TDRD6: variants seen among roughly 807,000 people sequenced by gnomAD.
TDRD6 encodes the protein tudor domain-containing protein 6.
In TDRD6, 186 loss-of-function variants were observed where a neutral mutation model predicts 157.5. That is an observed-to-expected ratio of 1.18 (90% CI 1.05 to 1.33). The LOEUF (loss-of-function observed/expected upper bound fraction) is 1.33, where lower values mean the gene tolerates loss of function less well. Ranked by LOEUF, TDRD6 falls within the 40% of genes most tolerant of loss-of-function variation. The pLI is 0.00. For synonymous variants in TDRD6, 1,075 were observed against 945.2 expected, an observed-to-expected ratio of 1.14 and a Z score of -2.52; for missense variants, 3,066 against 2,508.0, an observed-to-expected ratio of 1.22 and a Z score of -4.75.
rs142562643 is a variant in TDRD6, at chr6:46,690,164, T to C, written c.2036T>C (p.Val679Ala). ...QEFETKENILVNAHSPGHVSN... is the reference protein window; with the variant it reads ...QEFETKENILANAHSPGHVSN... ...TTTGAAACAAAGGAAAATATCCTGG[T>C]AAATGCCCACTCCCCAGGGCATGTT... Residue 679 changes from valine to alanine, a missense_variant, in exon 1 of 4, where the codon GTA (valine) becomes GCA (alanine). By Grantham distance (64) the Val-to-Ala change is moderately conservative (BLOSUM62 0). Transcript: ENST00000316081. The C allele has an allele frequency of 3.7e-5, 60 of 1,613,530 alleles. No individual in the cohort carries two copies. Among genetic ancestry groups the C allele is most frequent in the Middle Eastern group, 1.6e-4 (1 of 6,062 alleles).
chr6:46,692,702 C>T lies in TDRD6; in HGVS notation c.4574C>T (p.Ala1525Val), dbSNP rs771798541. 6 of 1,613,954 alleles carry T rather than the reference C, an allele frequency of 3.7e-6. No individual in the cohort carries two copies. The South Asian group carries it at 6.6e-5, about 18-fold the overall frequency. The change falls in exon 1 of 4, where the codon GCC (alanine) becomes GTC (valine). Residue 1525 changes from alanine (A) to valine (V), a missense_variant. Ala to Val is a moderately conservative substitution (Grantham distance 64, BLOSUM62 0). Coordinates refer to ENST00000316081, the MANE Select transcript of TDRD6 (RefSeq NM_001010870.3). ...GAAAAAAAAATGATAAGAGCTTATG[C>T]CACTGTGATAGATGGACCTGAGTAC... ...NPEKKMIRAY[A>V]TVIDGPEYFW...
At chr6:46,682,699 G>A in the TDRD6 span, among the ~76,000 whole-genome samples, 2 of 151,438 alleles carry the variant, frequency 1.3e-5, no homozygotes, top group Admixed American at 1.3e-4. Flanking sequence ...TGAAAAACTA[G>A]GGACTAAAAT....
In TDRD6 at chr6:46,695,807, A is replaced by T; in HGVS notation, c.6047-14A>T. The T allele has an allele frequency of 1.2e-6, 2 of 1,610,952 alleles. No individual in the cohort carries two copies. The highest frequency in any genetic ancestry group is 1.7e-6 in the Non-Finnish European group (2 of 1,178,840). On this transcript the variant is annotated splice_polypyrimidine_tract_variant and intron_variant, in intron 1 of 3. Transcript: ENST00000316081. ...AGAGATATGCATTGAGTCTTACTCA[A>T]TTCAATTTGGCAGCTCAACTACAGA...
rs569087285 is a variant in TDRD6, at chr6:46,693,275, T to G, written c.5147T>G (p.Ile1716Arg). Residue 1716 changes from isoleucine (I) to arginine (R), a missense_variant, in exon 1 of 4, where the codon ATA becomes AGA. Transcript: ENST00000316081. Reference sequence around the variant, plus strand: ...CCCTATGAAAATATTGACTCAGAGATAAAGCAGACTCTTGGGTCCTACAAT... The same window carrying G: ...CCCTATGAAAATATTGACTCAGAGAGAAAGCAGACTCTTGGGTCCTACAAT... Reference protein sequence around the residue: ...ALPYENIDSEIKQTLGSYNLD... With the variant: ...ALPYENIDSERKQTLGSYNLD... The G allele has an allele frequency of 1.2e-6, 2 of 1,613,510 alleles. No homozygotes were observed. Among genetic ancestry groups the G allele is most frequent in the Admixed American group, 1.7e-5 (1 of 59,900 alleles).
chr6:46,689,115 A>C lies in TDRD6; in HGVS notation c.987A>C (p.Ala329=), dbSNP rs778130328. ...GCCTGGATGGACATTGGTACAGAGC[A>C]CTGTTGCTTGAGACTTTTCGGCCCC... ...SCGLDGHWYR[A]LLLETFRPQR... Residue 329 remains alanine (A), a synonymous_variant, in exon 1 of 4, where the codon GCA becomes GCC. Coordinates refer to ENST00000316081, the MANE Select transcript of TDRD6 (RefSeq NM_001010870.3). The C allele has an allele frequency of 4.3e-6, 7 of 1,614,096 alleles. No individual in the cohort carries two copies. In the East Asian group the frequency reaches 1.6e-4, roughly 36 times the overall value.
At position 46,689,575 on chromosome 6, in the gene TDRD6, T is replaced by G. The variant is rs770963276; in HGVS notation, c.1447T>G (p.Leu483Val). 1 of 1,614,120 alleles carries G rather than the reference T, an allele frequency of 6.2e-7. No individual in the cohort carries two copies. The highest frequency in any genetic ancestry group is 8.5e-7 in the Non-Finnish European group (1 of 1,180,014). ...ACTCCCAGCCTTAAGATCTATCAGG[T>G]TAAAGATGAATGCCTTCTACGATGC... ...ISLPALRSIR[L>V]KMNAFYDAQV... Residue 483 changes from leucine to valine, a missense_variant, in exon 1 of 4, where the codon TTA (leucine) becomes GTA (valine). Coordinates refer to ENST00000316081, the MANE Select transcript of TDRD6 (RefSeq NM_001010870.3).
At position 46,689,536 on chromosome 6, in the gene TDRD6, G is replaced by T; in HGVS notation, c.1408G>T (p.Asp470Tyr). Residue 470 changes from aspartate to tyrosine, a missense_variant, in exon 1 of 4, where the codon GAT (aspartate) becomes TAT (tyrosine). By Grantham distance (160) the Asp-to-Tyr change is radical. Coordinates refer to ENST00000316081, the MANE Select transcript of TDRD6 (RefSeq NM_001010870.3). ...SQSQSPAEEV[D>Y]EEISLPALRS... ...GTCTCAGTCTCCTGCTGAAGAAGTA[G>T]ATGAAGAGATTTCACTCCCAGCCTT... The T allele has an allele frequency of 6.2e-7, 1 of 1,614,096 alleles. No individual in the cohort carries two copies. The highest frequency in any genetic ancestry group is 8.5e-7 in the Non-Finnish European group (1 of 1,180,024).
Position 46,688,549 on chromosome 6 carries a change from G to A in TDRD6, c.421G>A (p.Ala141Thr). The A allele has an allele frequency of 1.3e-6, 2 of 1,579,764 alleles. No individual in the cohort carries two copies. Among genetic ancestry groups the A allele is most frequent in the Non-Finnish European group, 1.7e-6 (2 of 1,169,334 alleles). Reference sequence around the variant, plus strand: ...GGGCCTGGTGCCGGCAGGCTGCGGCGCGGGCTCAGGCGAGCCGCCGCAGCA... The same window carrying A: ...GGGCCTGGTGCCGGCAGGCTGCGGCACGGGCTCAGGCGAGCCGCCGCAGCA... ...LAGLVPAGCGAGSGEPPQHWP... is the reference protein window; with the variant it reads ...LAGLVPAGCGTGSGEPPQHWP... Residue 141 changes from alanine (A) to threonine (T), a missense_variant, in exon 1 of 4, where the codon GCG becomes ACG. By Grantham distance (58) the Ala-to-Thr change is moderately conservative (BLOSUM62 0). Coordinates refer to ENST00000316081, the MANE Select transcript of TDRD6 (RefSeq NM_001010870.3).
chr6:46,704,292 T>A lies in TDRD6; in HGVS notation c.*2405T>A, dbSNP rs1430129983. 2.8e-6 allele frequency: 1 copy of A among 351,394 alleles called. No homozygotes were observed. The highest frequency in any genetic ancestry group is 2.1e-5 in the African/African-American group (1 of 48,152). 21.8% of individuals were successfully genotyped at this position (351,394 alleles called of 1,614,324 possible). A position where few individuals can be genotyped will look rare whatever the true frequency, so the allele number is the denominator to read the frequency against. On this transcript the variant is annotated 3_prime_UTR_variant, in exon 4 of 4. Transcript: ENST00000316081. ...CTTCGACACTGAAAAGGAATCATCT[T>A]TAAAATTAAAATTTAGGCTGATATG...
At chr6:46,697,132 T>TAAAGA (rs1764521711) in intron 2 of TDRD6, among the ~76,000 whole-genome samples, 1 of 152,188 alleles carries the variant, frequency 6.6e-6, no homozygotes, top group African/African-American at 2.4e-5. Flanking sequence ...TTGTACTTTA[T>TAAAGA]ATTAAATGGA....
Position 46,692,650 on chromosome 6 carries a change from T to G in TDRD6, c.4522T>G (p.Ser1508Ala). Residue 1508 changes from serine (S) to alanine (A), a missense_variant, in exon 1 of 4, where the codon TCA becomes GCA. Transcript: ENST00000316081. ...KSVNKSDIDT[S>A]VFLNWYNPEK... is the part of the protein sequence containing the mutation. ...TGTTAACAAATCAGACATTGACACTTCAGTATTTCTTAACTGGTATAATCC... is the reference window on the plus strand; with the variant it reads ...TGTTAACAAATCAGACATTGACACTGCAGTATTTCTTAACTGGTATAATCC... 6.2e-7 allele frequency: 1 copy of G among 1,613,542 alleles called. No individual in the cohort carries two copies. The highest frequency in any genetic ancestry group is 8.5e-7 in the Non-Finnish European group (1 of 1,179,874).
chr6:46,698,692 G>T (rs186863087), intron 3 of TDRD6, among the ~76,000 whole-genome samples: 35 of 152,228 alleles, frequency 2.3e-4, no homozygotes, highest in African/African-American at 8.4e-4. Context: ...GGTCATCTTG[G>T]GGTTTGTAGC....
chr6:46,696,549 A>ATGTGTG (rs1422541293), intron 2 of TDRD6, among the ~76,000 whole-genome samples: 3 of 65,170 alleles, frequency 4.6e-5, no homozygotes, highest in African/African-American at 8.0e-5. Flanking sequence ...ATATATGTAT[A>ATGTGTG]TATGTGTGTG....
At position 46,688,460 on chromosome 6, in the gene TDRD6, C is replaced by A. The variant is rs1021257318; in HGVS notation, c.332C>A (p.Ser111Ter). Residue 111 changes from serine to a stop codon, truncating the protein, a stop_gained, in exon 1 of 4, where the codon TCG becomes TAG. Coordinates refer to ENST00000316081, the MANE Select transcript of TDRD6 (RefSeq NM_001010870.3). LOFTEE classifies it high-confidence loss of function. Reference protein sequence around the residue: ...EGRTITAGAGSLAPGRREFFN... With the variant: ...EGRTITAGAG ...CGCACCATCACGGCCGGAGCAGGCTCGCTGGCGCCTGGGCGCAGAGAGTTC... is the reference window on the plus strand; with the variant it reads ...CGCACCATCACGGCCGGAGCAGGCTAGCTGGCGCCTGGGCGCAGAGAGTTC... 1.9e-6 allele frequency: 3 copies of A among 1,543,834 alleles called. No individual in the cohort carries two copies. The highest frequency in any genetic ancestry group is 2.6e-6 in the Non-Finnish European group (3 of 1,146,786).
chr6:46,696,552 T>C (rs1364753031), intron 2 of TDRD6, among the ~76,000 whole-genome samples: 1 of 46,232 alleles, frequency 2.2e-5, no homozygotes. Flanking sequence ...TATGTATATA[T>C]GTGTGTGTGT....
At chr6:46,684,799 T>C (rs1562049177), upstream of TDRD6, among the ~76,000 whole-genome samples, 1 of 152,188 alleles carries the variant, frequency 6.6e-6, no homozygotes, top group Non-Finnish European at 1.5e-5. Flanking sequence ...GTTCCAGGTT[T>C]TTGCATGAGC....
chr6:46,701,876 A>T lies in TDRD6; in HGVS notation c.6280A>T (p.Met2094Leu). Reference protein sequence around the residue: ...SPPEKRGLEVMEI With the variant: ...SPPEKRGLEVLEI Reference sequence around the variant, plus strand: ...GTTTCAGAAAAGGGGTTTGGAGGTGATGGAGATTTAACCGTGGATCTATAG... The same window carrying T: ...GTTTCAGAAAAGGGGTTTGGAGGTGTTGGAGATTTAACCGTGGATCTATAG... Residue 2094 changes from methionine (M) to leucine (L), a missense_variant, in exon 4 of 4, where the codon ATG becomes TTG. Met to Leu is a conservative substitution (Grantham distance 15). Coordinates refer to ENST00000316081, the MANE Select transcript of TDRD6 (RefSeq NM_001010870.3). The T allele has an allele frequency of 6.2e-7, 1 of 1,612,830 alleles. No individual in the cohort carries two copies. The highest frequency in any genetic ancestry group is 1.7e-5 in the Admixed American group (1 of 59,978).
rs745525859 is a variant in TDRD6, at chr6:46,692,699, A to G, written c.4571A>G (p.Tyr1524Cys). The G allele has an allele frequency of 9.9e-6, 16 of 1,614,024 alleles. No individual in the cohort carries two copies. In the Admixed American group the frequency reaches 2.7e-4, roughly 27 times the overall value. ...YNPEKKMIRA[Y>C]ATVIDGPEYF... ...CCAGAAAAAAAAATGATAAGAGCTT[A>G]TGCCACTGTGATAGATGGACCTGAG... The change falls in exon 1 of 4, where the codon TAT (tyrosine) becomes TGT (cysteine). Residue 1524 changes from tyrosine (Y) to cysteine (C), a missense_variant. Coordinates refer to ENST00000316081, the MANE Select transcript of TDRD6 (RefSeq NM_001010870.3).
chr6:46,691,121 C>G lies in TDRD6; in HGVS notation c.2993C>G (p.Pro998Arg). 1 of 1,613,900 alleles carries G rather than the reference C, an allele frequency of 6.2e-7. No individual in the cohort carries two copies. Among genetic ancestry groups the G allele is most frequent in the Non-Finnish European group, 8.5e-7 (1 of 1,179,948 alleles). Residue 998 changes from proline (P) to arginine (R), a missense_variant, in exon 1 of 4, where the codon CCT (proline) becomes CGT (arginine). By Grantham distance (103) the Pro-to-Arg change is moderately radical (BLOSUM62 -2). Transcript: ENST00000316081. ...ELVYITHIDD[P>R]WTFYCQLARN... ...GTTTATATAACGCATATTGATGACC[C>G]TTGGACATTTTATTGCCAGCTGGCA...
Sources: allele counts gnomAD v4.1 joint callset (sites outside exome capture counted in the v4.1 genomes callset), GRCh38; gene constraint gnomAD v4.1.1; transcripts MANE v1.5; gene names NCBI Gene and HGNC (gene_info 2026-07-23, HGNC 2026-07-21).